CNTNAP2: variants seen among roughly 807,000 people sequenced by gnomAD.
CNTNAP2 encodes contactin associated protein 2, also known as contactin-associated protein-like 2.
In CNTNAP2, 98 loss-of-function variants were observed where a neutral mutation model predicts 155.2. The observed-to-expected ratio is 0.63, with a 90% CI of 0.54 to 0.75. The LOEUF is 0.75. Ranked by LOEUF, CNTNAP2 falls within the 30% of genes least tolerant of loss-of-function variation. The pLI, the probability that CNTNAP2 is intolerant of heterozygous loss-of-function variation, is 0.00. For synonymous variants in CNTNAP2, 651 were observed against 631.2 expected (o/e 1.03, Z -0.47); for missense variants, 1,727 against 1,688.1 (o/e 1.02, Z -0.40).
chr7:146,163,218 C>A (rs1798252507), intron 1 of CNTNAP2, among the ~76,000 whole-genome samples: 1 of 151,818 alleles, frequency 6.6e-6, no homozygotes, highest in African/African-American at 2.4e-5. Context: ...TAATCAGTGA[C>A]AATTTTCTAG....
chr7:146,159,266 G>C (rs1798178547), intron 1 of CNTNAP2, among the ~76,000 whole-genome samples: 1 of 152,176 alleles, frequency 6.6e-6, no homozygotes, highest in Non-Finnish European at 1.5e-5. Flanking sequence ...GGAACAACCA[G>C]TACCAGCCAC....
chr7:146,951,247 C>T (rs186375818), intron 3 of CNTNAP2, among the ~76,000 whole-genome samples: 114 of 152,262 alleles, frequency 7.5e-4, no homozygotes, highest in African/African-American at 2.7e-3. Context: ...TACAGGTTGC[C>T]TGTTCACTCT....
rs137919008 is a variant in CNTNAP2, at chr7:146,555,488, ATCTGTCTG to A, written c.98-218779_98-218772del. On this transcript the variant is annotated intron_variant, in intron 1 of 23. Transcript: ENST00000361727. ...ATCTATATGTAATCTACTCTGTATC[ATCTGTCTG>A]TCTATCTATCTATCTATCTATCTAT... is the stretch of plus-strand genomic sequence containing the variant. Among the ~76,000 whole-genome samples, 336 of 140,872 alleles carry A rather than the reference ATCTGTCTG, an allele frequency of 2.4e-3. 2 individuals are homozygous for A. Among genetic ancestry groups the A allele is most frequent in the African/African-American group, 7.4e-3 (294 of 39,546 alleles). 92.4% of individuals were successfully genotyped at this position (140,872 alleles called of 152,430 possible).
intron 1 of CNTNAP2, 98 bp from the exon 2 acceptor site, chr7:146,774,173 G>A: frequency 1.2e-6 from 1 of 828,650 alleles, no homozygotes; most frequent in Non-Finnish European, 2.0e-6. Flanking sequence ...ATACATAAAA[G>A]ACATATCAGA....
chr7:147,887,684 T>A (rs1376419310), intron 13 of CNTNAP2, among the ~76,000 whole-genome samples: 1 of 151,740 alleles, frequency 6.6e-6, no homozygotes, highest in Non-Finnish European at 1.5e-5. Context: ...GGAAGAAGGG[T>A]CCATGCCAAG....
intron 13 of CNTNAP2, among the ~76,000 whole-genome samples, chr7:147,807,886 C>T (rs1041685409): frequency 6.6e-6 from 1 of 152,040 alleles, no homozygotes; most frequent in Admixed American, 6.6e-5. Flanking sequence ...AGATATTTAT[C>T]AGGCTTTCAT....
At chr7:146,999,178 C>T (rs974626907) in intron 3 of CNTNAP2, among the ~76,000 whole-genome samples, 3 of 148,696 alleles carry the variant, frequency 2.0e-5, no homozygotes, top group South Asian at 2.1e-4. Context: ...TACCATGAGG[C>T]TTATGAAAAT....
At chr7:148,122,922 G>A (rs114292645) in intron 16 of CNTNAP2, among the ~76,000 whole-genome samples, 1,822 of 152,148 alleles carry the variant, frequency 0.012, 34 homozygotes, top group African/African-American at 0.041. Flanking sequence ...ACAAATACTC[G>A]TGAGGGTTAA....
Position 147,300,273 on chromosome 7 carries a change from A to T in CNTNAP2, c.1481A>T (p.Glu494Val). 1 of 1,613,898 alleles carries T rather than the reference A, an allele frequency of 6.2e-7. No individual in the cohort carries two copies. Residue 494 changes from glutamate to valine, a missense_variant, in exon 9 of 24, where the codon GAG (glutamate) becomes GTG (valine). Transcript: ENST00000361727. ...TNSPLQVKTG[E>V]KYFFGGFLNQ... Reference sequence around the variant, plus strand: ...AGTCCCCTTCAAGTTAAAACTGGCGAGAAGTACTTTTTTGGAGGTAAGAAT... The same window carrying T: ...AGTCCCCTTCAAGTTAAAACTGGCGTGAAGTACTTTTTTGGAGGTAAGAAT...
At chr7:146,740,141 T>C (rs1481167305) in intron 1 of CNTNAP2, among the ~76,000 whole-genome samples, 11 of 152,088 alleles carry the variant, frequency 7.2e-5, no homozygotes, top group African/African-American at 2.7e-4. Context: ...TCAGTCCTTG[T>C]CATTCTTTAT....
intron 1 of CNTNAP2, among the ~76,000 whole-genome samples, chr7:146,531,912 G>T (rs1361506233): frequency 1.3e-5 from 2 of 151,946 alleles, no homozygotes; most frequent in Non-Finnish European, 2.9e-5. Context: ...GAAGCAGAAA[G>T]AGCACTATTT....
chr7:147,669,575 T>A (rs1214397095), intron 13 of CNTNAP2, among the ~76,000 whole-genome samples: 1 of 152,180 alleles, frequency 6.6e-6, no homozygotes, highest in Non-Finnish European at 1.5e-5. Flanking sequence ...CTTATTTAGG[T>A]CATTGTGACA....
intron 1 of CNTNAP2, among the ~76,000 whole-genome samples, chr7:146,535,764 C>G (rs1269486274): frequency 6.6e-6 from 1 of 151,826 alleles, no homozygotes; most frequent in Non-Finnish European, 1.5e-5. Flanking sequence ...CTTTCCCCCT[C>G]CCTTGCTGTC....
At chr7:147,902,304 A>T (rs1365360079) in intron 13 of CNTNAP2, among the ~76,000 whole-genome samples, 1 of 152,194 alleles carries the variant, frequency 6.6e-6, no homozygotes, top group Non-Finnish European at 1.5e-5. Flanking sequence ...CTTTATGCTT[A>T]TGTTTATATT....
intron 3 of CNTNAP2, among the ~76,000 whole-genome samples, chr7:146,887,140 GT>G (rs1049794661): frequency 6.6e-6 from 1 of 151,456 alleles, no homozygotes; most frequent in African/African-American, 2.4e-5. Flanking sequence ...TATCTACATA[GT>G]TTTTTTGTTT....
intron 3 of CNTNAP2, among the ~76,000 whole-genome samples, chr7:146,924,619 A>G (rs1796568141): frequency 2.6e-5 from 4 of 152,134 alleles, no homozygotes; most frequent in Admixed American, 2.6e-4. Flanking sequence ...GTATAAGGTG[A>G]TAAATAGAGT....
chr7:146,898,087 A>G (rs1489895628), intron 3 of CNTNAP2, among the ~76,000 whole-genome samples: 2 of 152,072 alleles, frequency 1.3e-5, no homozygotes, highest in African/African-American at 4.8e-5. Flanking sequence ...ACATCATAGT[A>G]TATTATTTTG....
intron 1 of CNTNAP2, among the ~76,000 whole-genome samples, chr7:146,333,128 A>G (rs1342681268): frequency 6.6e-6 from 1 of 151,778 alleles, no homozygotes; most frequent in African/African-American, 2.4e-5. Context: ...TATTTTTAGT[A>G]GAGATGGGGT....
In CNTNAP2 at chr7:146,404,186, G is replaced by A. The variant is rs530221817; in HGVS notation, c.97+287213G>A. On this transcript the variant is annotated intron_variant, in intron 1 of 23. Coordinates refer to ENST00000361727, the MANE Select transcript of CNTNAP2 (RefSeq NM_014141.6). The stretch of plus-strand genomic sequence containing the variant: ...GGTTTTAGTGACTTGGAAATAAGAA[G>A]ATGAAAAGATGAATATTCACTGAAG... Among the ~76,000 whole-genome samples the A allele has an allele frequency of 8.6e-4, 127 of 147,174 alleles. 1 individual carries two copies. The highest frequency in any genetic ancestry group is 3.0e-3 in the African/African-American group (115 of 38,808).
Sources: allele counts gnomAD v4.1 joint callset (sites outside exome capture counted in the v4.1 genomes callset), GRCh38; gene constraint gnomAD v4.1.1; transcripts MANE v1.5; gene names NCBI Gene and HGNC (gene_info 2026-07-23, HGNC 2026-07-21).